KIAA1549L: variants seen among roughly 807,000 people sequenced by gnomAD.
KIAA1549L encodes KIAA1549 like.
In KIAA1549L, 88 loss-of-function variants were observed where a neutral mutation model predicts 160.7. The ratio of observed to expected loss-of-function variants is 0.55; its 90% CI spans 0.46 to 0.65. The LOEUF is 0.65. KIAA1549L is among the 30% of genes least tolerant of loss of function. The probability of loss-of-function intolerance (pLI) is 0.00; values close to 1 mark genes in which losing one functional copy is unlikely to be tolerated. For missense variants in KIAA1549L, 2,258 were observed against 2,437.5 expected, an observed-to-expected ratio of 0.93 and a Z score of 1.55; for synonymous variants, 950 against 976.7, an observed-to-expected ratio of 0.97 and a Z score of 0.51.
intron 16 of KIAA1549L, among the ~76,000 whole-genome samples, chr11:33,642,528 A>G (rs1247331970): frequency 6.6e-6 from 1 of 151,276 alleles, no homozygotes; most frequent in Non-Finnish European, 1.5e-5. Context: ...CTATTGGCTA[A>G]GGTTAGACTG....
chr11:33,539,581 CT>C (rs1197126828), intron 1 of KIAA1549L, among the ~76,000 whole-genome samples: 1 of 152,254 alleles, frequency 6.6e-6, no homozygotes, highest in Non-Finnish European at 1.5e-5. Flanking sequence ...CTACTTTCTT[CT>C]TTCTCTTCTT....
intron 1 of KIAA1549L, among the ~76,000 whole-genome samples, chr11:33,437,856 A>G (rs1309174261): frequency 6.6e-6 from 1 of 152,148 alleles, no homozygotes; most frequent in Non-Finnish European, 1.5e-5. Context: ...ATGTGGATGG[A>G]GAAGCACCTG....
rs150598434 is a variant in KIAA1549L at position 33,563,297 on chromosome 11, C to T, written c.4078+1562C>T. Among the ~76,000 whole-genome samples, 1,047 of 142,056 alleles carry T rather than the reference C, an allele frequency of 7.4e-3. 12 individuals carry two copies. Among genetic ancestry groups the T allele is most frequent in the African/African-American group, 0.026 (997 of 38,040 alleles). The allele number at this position is 142,056 out of a possible 152,430, so 93.2% of individuals were successfully genotyped here. A position where few individuals can be genotyped will look rare whatever the true frequency, so the allele number is the denominator to read the frequency against. On this transcript the variant is annotated intron_variant, in intron 8 of 20. Coordinates refer to ENST00000658780, the MANE Select transcript of KIAA1549L (RefSeq NM_012194.3). ...CCAGGAGGCGGAGGTTGTAGTGAGTCAAGATCATGCCACTGCACTCCAGCC... is the reference window on the plus strand; with the variant it reads ...CCAGGAGGCGGAGGTTGTAGTGAGTTAAGATCATGCCACTGCACTCCAGCC...
chr11:33,539,271 A>C (rs547360225), intron 1 of KIAA1549L, among the ~76,000 whole-genome samples: 1 of 152,348 alleles, frequency 6.6e-6, no homozygotes, highest in Non-Finnish European at 1.5e-5. Context: ...TAATTAAACC[A>C]TCCAATATCC....
chr11:33,547,741 C>T (rs1411296358), intron 3 of KIAA1549L, 23 bp from the exon 4 acceptor site: 4 of 1,488,718 alleles, frequency 2.7e-6, no homozygotes, highest in Admixed American at 1.7e-5. Context: ...GCCTGATTGC[C>T]ATGCTTCTAT....
chr11:33,658,980 C>T, intron 19 of KIAA1549L, 82 bp downstream of exon 19: 3 of 1,370,722 alleles, frequency 2.2e-6, no homozygotes, highest in Non-Finnish European at 2.9e-6. Context: ...TTCCAATCTC[C>T]TTTCTACCTA....
At chr11:33,620,926 G>A (rs1850942841) in intron 16 of KIAA1549L, among the ~76,000 whole-genome samples, 1 of 152,008 alleles carries the variant, frequency 6.6e-6, no homozygotes, top group Non-Finnish European at 1.5e-5. Flanking sequence ...AATTACCAGA[G>A]CGCTTCTGGC....
At chr11:33,436,843 A>T (rs147315201) in intron 1 of KIAA1549L, among the ~76,000 whole-genome samples, 1 of 152,142 alleles carries the variant, frequency 6.6e-6, no homozygotes, top group Non-Finnish European at 1.5e-5. Flanking sequence ...GAAGTGAAGG[A>T]GTCCAGTACT....
intron 6 of KIAA1549L, among the ~76,000 whole-genome samples, chr11:33,558,683 C>T (rs1590342650): frequency 1.3e-5 from 2 of 152,282 alleles, no homozygotes; most frequent in African/African-American, 4.8e-5. Context: ...GCTTCATTTT[C>T]CAGCAACTGA....
intron 1 of KIAA1549L, among the ~76,000 whole-genome samples, chr11:33,430,899 C>T (rs1851224623): frequency 6.6e-6 from 1 of 152,250 alleles, no homozygotes; most frequent in African/African-American, 2.4e-5. Flanking sequence ...TTGGTGGGTT[C>T]TTGGTCTCAC....
intron 1 of KIAA1549L, among the ~76,000 whole-genome samples, chr11:33,411,079 T>G (rs953248329): frequency 1.3e-5 from 2 of 152,100 alleles, no homozygotes; most frequent in Admixed American, 6.5e-5. Context: ...GAGTGAGTGA[T>G]AGGGAAGTGC....
chr11:33,672,258 A>G lies in KIAA1549L; in HGVS notation c.*4104A>G, dbSNP rs1177580972. 1 of 152,260 alleles carries G rather than the reference A, an allele frequency of 6.6e-6. No homozygotes were observed. Among genetic ancestry groups the G allele is most frequent in the Non-Finnish European group, 1.5e-5 (1 of 68,110 alleles). 9.4% of individuals were successfully genotyped at this position (152,260 alleles called of 1,614,324 possible). Reference sequence around the variant, plus strand: ...CCAGCTTTCTCATTAGTGCATATGTAGCTGAAAAATCCACCCCTCAAGAAC... The same window carrying G: ...CCAGCTTTCTCATTAGTGCATATGTGGCTGAAAAATCCACCCCTCAAGAAC... On this transcript the variant is annotated 3_prime_UTR_variant, in exon 21 of 21. Transcript: ENST00000658780.
chr11:33,595,231 A>AT (rs1400677038), intron 12 of KIAA1549L, among the ~76,000 whole-genome samples: 1 of 152,068 alleles, frequency 6.6e-6, no homozygotes, highest in Non-Finnish European at 1.5e-5. Flanking sequence ...TTGCTTCATA[A>AT]TTTTTTCTTT....
At chr11:33,441,426 A>G (rs972064607) in intron 1 of KIAA1549L, among the ~76,000 whole-genome samples, 9 of 151,710 alleles carry the variant, frequency 5.9e-5, no homozygotes, top group Admixed American at 2.6e-4. Flanking sequence ...AATCCTTTGG[A>G]TATATACCCA....
chr11:33,404,365 A>G (rs1168620062), intron 1 of KIAA1549L, among the ~76,000 whole-genome samples: 2 of 152,072 alleles, frequency 1.3e-5, no homozygotes, highest in Non-Finnish European at 2.9e-5. Flanking sequence ...TCTCTACTAA[A>G]GATACAAAAT....
Position 33,596,932 on chromosome 11 carries a change from C to A in KIAA1549L, c.4752-1888C>A, listed in dbSNP as rs928112366. Reference sequence around the variant, plus strand: ...GTCTTTTATGTTTGGGTGTTGCACACCCAGCACTCAGCAATCAAATAGCTG... The same window carrying A: ...GTCTTTTATGTTTGGGTGTTGCACAACCAGCACTCAGCAATCAAATAGCTG... On this transcript the variant is annotated intron_variant, in intron 12 of 20. Coordinates refer to ENST00000658780, the MANE Select transcript of KIAA1549L (RefSeq NM_012194.3). Among the ~76,000 whole-genome samples the A allele has an allele frequency of 8.5e-5, 13 of 152,198 alleles. No individual in the cohort carries two copies. The Middle Eastern group carries it at 0.01, about 119-fold the overall frequency.
chr11:33,561,000 A>G (rs552013203), intron 7 of KIAA1549L, among the ~76,000 whole-genome samples: 97 of 152,356 alleles, frequency 6.4e-4, no homozygotes, highest in Non-Finnish European at 1.1e-3. Flanking sequence ...TCTGAAAACA[A>G]CTACGATTTA....
intron 12 of KIAA1549L, 63 bp downstream of exon 12, chr11:33,591,484 G>A: frequency 7.6e-7 from 1 of 1,315,192 alleles, no homozygotes; most frequent in Non-Finnish European, 1.1e-6. Context: ...GATGAGAAAA[G>A]CTGATGCCCT....
Position 33,574,783 on chromosome 11 carries a change from T to C in KIAA1549L, c.4312T>C (p.Leu1438=), listed in dbSNP as rs1451109638. 5 of 1,614,030 alleles carry C rather than the reference T, an allele frequency of 3.1e-6. No homozygotes were observed. The highest frequency in any genetic ancestry group is 4.5e-5 in the East Asian group (2 of 44,880). The change falls in exon 10 of 21, where the codon TTG becomes CTG. Residue 1438 remains leucine (L), a synonymous_variant. Transcript: ENST00000658780. ...TACCCTGTACAACGGGAAGCCTTTG[T>C]TGGGGACCGCAGCTGCCAAGATCCT... The part of the protein sequence containing the change: ...YYTLYNGKPL[L]GTAAAKILST...
Sources: allele counts gnomAD v4.1 joint callset (sites outside exome capture counted in the v4.1 genomes callset), GRCh38; gene constraint gnomAD v4.1.1; transcripts MANE v1.5; gene names NCBI Gene and HGNC (gene_info 2026-07-23, HGNC 2026-07-21).